The following RIMS2 variants were observed in gnomAD, a reference collection of about 807,000 sequenced individuals.
The protein encoded by RIMS2 is regulating synaptic membrane exocytosis 2.
A neutral mutation model predicts 174.4 loss-of-function variants in RIMS2; 59 were observed. That is an observed-to-expected ratio of 0.34 (90% confidence interval 0.27 to 0.42). The LOEUF is 0.42. Ranked by LOEUF, RIMS2 falls within the 10% of genes least tolerant of loss-of-function variation. RIMS2 has a pLI of 1.00. For synonymous variants in RIMS2, 606 were observed against 572.5 expected (o/e 1.06, Z -0.84); for missense variants, 1,620 against 1,666.3 (o/e 0.97, Z 0.48).
intron 19 of RIMS2, among the ~76,000 whole-genome samples, chr8:104,158,225 A>G (rs1184429528): frequency 6.6e-6 from 1 of 152,034 alleles, no homozygotes; most frequent in Non-Finnish European, 1.5e-5. Flanking sequence ...AAGGACATGA[A>G]CTCGTCCTTT....
chr8:104,248,893 C>G (rs2099348909), intron 21 of RIMS2, 80 bp downstream of exon 27: 1 of 331,872 alleles, frequency 3.0e-6, no homozygotes, highest in African/African-American at 2.3e-5. Context: ...ATAGAATCTT[C>G]TCTCTCTCTC....
intron 1 of RIMS2, among the ~76,000 whole-genome samples, chr8:103,538,096 C>T (rs1055959365): frequency 3.3e-5 from 5 of 151,988 alleles, no homozygotes; most frequent in Non-Finnish European, 5.9e-5. Context: ...AAAATCTCTC[C>T]TATGGTCTTT....
At chr8:103,915,692 A>T (rs1419767251) in intron 7 of RIMS2, 98 bp downstream of exon 10, 2 of 525,586 alleles carry the variant, frequency 3.8e-6, no homozygotes, top group Non-Finnish European at 6.6e-6. Context: ...AATAACAAAG[A>T]GCTCATTTAA....
At chr8:103,910,334 G>C in intron 5 of RIMS2, 2 of 1,596,222 alleles carry the variant, frequency 1.3e-6, no homozygotes, top group Non-Finnish European at 1.7e-6. Context: ...ACAGTCAAAA[G>C]GGAAAAAGAA....
chr8:104,113,689 TCATATATATAC>T, intron 19 of RIMS2, among the ~76,000 whole-genome samples: 1 of 151,796 alleles, frequency 6.6e-6, no homozygotes, highest in African/African-American at 2.4e-5. Flanking sequence ...CATATATATA[TCATATATATAC>T]ATATAATATG....
intron 19 of RIMS2, among the ~76,000 whole-genome samples, chr8:104,064,632 AAAC>A (rs1330385164): frequency 3.3e-5 from 5 of 152,062 alleles, no homozygotes; most frequent in African/African-American, 1.2e-4. Context: ...AGCATTTATG[AAAC>A]AAGATATTTA....
chr8:103,848,011 C>G (rs757653252), intron 3 of RIMS2, among the ~76,000 whole-genome samples: 2 of 151,822 alleles, frequency 1.3e-5, no homozygotes, highest in Non-Finnish European at 2.9e-5. Flanking sequence ...CAAGGATCCA[C>G]ATACCCTCAG....
At chr8:103,554,408 G>T (rs996754997) in intron 1 of RIMS2, among the ~76,000 whole-genome samples, 2 of 152,116 alleles carry the variant, frequency 1.3e-5, no homozygotes, top group Non-Finnish European at 2.9e-5. Context: ...TTCAAAAGAT[G>T]ACATATACGC....
intron 3 of RIMS2, among the ~76,000 whole-genome samples, chr8:103,799,151 A>G (rs1421544902): frequency 6.6e-6 from 1 of 152,070 alleles, no homozygotes; most frequent in Non-Finnish European, 1.5e-5. Context: ...TTGAATGAGC[A>G]AAAAATAGAC....
chr8:104,151,306 T>C (rs1317220637), intron 19 of RIMS2, among the ~76,000 whole-genome samples: 2 of 152,174 alleles, frequency 1.3e-5, no homozygotes, highest in Admixed American at 6.5e-5. Context: ...TGGTGACTGA[T>C]GCCTGTAATC....
At chr8:104,037,561 T>G (rs1039065767) in intron 19 of RIMS2, among the ~76,000 whole-genome samples, 1 of 152,184 alleles carries the variant, frequency 6.6e-6, no homozygotes, top group Non-Finnish European at 1.5e-5. Flanking sequence ...AAAACTGCGT[T>G]TGTGGATAAA....
chr8:103,734,926 G>T (rs2097665872), intron 2 of RIMS2, among the ~76,000 whole-genome samples: 1 of 107,388 alleles, frequency 9.3e-6, no homozygotes, highest in Admixed American at 8.6e-5. Context: ...GCCACCGAAG[G>T]GCACAGGTTT....
intron 1 of RIMS2, among the ~76,000 whole-genome samples, chr8:103,571,648 GTTATA>G (rs2092815703): frequency 6.6e-6 from 1 of 152,128 alleles, no homozygotes; most frequent in Non-Finnish European, 1.5e-5. Context: ...GGCAAAAGGT[GTTATA>G]TTAATACTTT....
intron 19 of RIMS2, among the ~76,000 whole-genome samples, chr8:104,165,206 TTTGA>T (rs1326313234): frequency 1.3e-5 from 2 of 152,208 alleles, no homozygotes; most frequent in African/African-American, 4.8e-5. Context: ...TTGTTTTATG[TTTGA>T]TTGTGATGAA....
chr8:104,156,940 G>A (rs2098728097), intron 19 of RIMS2, among the ~76,000 whole-genome samples: 1 of 152,128 alleles, frequency 6.6e-6, no homozygotes, highest in Non-Finnish European at 1.5e-5. Flanking sequence ...AAGAATGAAA[G>A]AGATGTTAAG....
chr8:104,163,833 A>G (rs1170027220), intron 19 of RIMS2, among the ~76,000 whole-genome samples: 1 of 152,166 alleles, frequency 6.6e-6, no homozygotes, highest in Non-Finnish European at 1.5e-5. Flanking sequence ...AAGTGAGAAT[A>G]GGATGAGAGC....
intron 19 of RIMS2, among the ~76,000 whole-genome samples, chr8:104,155,183 T>G (rs898576550): frequency 6.6e-6 from 1 of 152,188 alleles, no homozygotes; most frequent in Non-Finnish European, 1.5e-5. Context: ...CTCACCTCAC[T>G]GCAAGCTCCT....
intron 19 of RIMS2, among the ~76,000 whole-genome samples, chr8:104,140,291 A>C (rs1291262203): frequency 6.6e-6 from 1 of 152,100 alleles, no homozygotes; most frequent in Non-Finnish European, 1.5e-5. Context: ...TTCAAGACCC[A>C]AGTTTATAAA....
At chr8:103,818,972 A>G (rs1350729722) in intron 3 of RIMS2, among the ~76,000 whole-genome samples, 2 of 152,132 alleles carry the variant, frequency 1.3e-5, no homozygotes. Flanking sequence ...TTGCACATTG[A>G]AGAGATATAT....
Sources: gnomAD v4.1 joint callset for allele counts (sites outside exome capture counted in the v4.1 genomes callset) on GRCh38, gnomAD v4.1.1 for gene constraint, MANE v1.5 for transcripts, NCBI Gene and HGNC (gene_info 2026-07-23, HGNC 2026-07-21) for gene names.